SAMD12: variants seen among roughly 807,000 people sequenced by gnomAD.
SAMD12 encodes sterile alpha motif domain containing 12.
SAMD12 carries 9 observed loss-of-function variants against 15.0 expected under a neutral mutation model. That is an observed-to-expected ratio of 0.60 (90% CI 0.36 to 1.05). The LOEUF (loss-of-function observed/expected upper bound fraction) is 1.05, where lower values mean the gene tolerates loss of function less well. Among genes scored for constraint, SAMD12 ranks in the 50% least tolerant of loss-of-function variants. SAMD12 has a pLI of 0.01. For missense variants in SAMD12, 230 were observed against 234.2 expected (o/e 0.98, Z 0.12); for synonymous variants, 86 against 90.1 (o/e 0.96, Z 0.25).
At chr8:118,152,500 C>CTTCCTTCT in the SAMD12 span, among the ~76,000 whole-genome samples, 1 of 122,522 alleles carries the variant, frequency 8.2e-6, no homozygotes, top group African/African-American at 3.0e-5. Flanking sequence ...TCCTTCCTTC[C>CTTCCTTCT]TTCTTCCTTC....
intron 2 of SAMD12, among the ~76,000 whole-genome samples, chr8:118,486,899 C>G (rs1289608634): frequency 6.6e-6 from 1 of 152,132 alleles, no homozygotes; most frequent in Non-Finnish European, 1.5e-5. Context: ...TCCGACAGGA[C>G]CCATGGCCAC....
rs112157604 is a variant in SAMD12 at position 118,272,267 on chromosome 8, C to G, written c.434-74535G>C. On this transcript the variant is annotated intron_variant, in intron 4 of 4. Coordinates refer to the SAMD12 transcript ENST00000409003. ...GGCTTACACCCTCTTAAGCAAGAGC[C>G]TGAGCTGTACCTTGACCCCTTTTAG... Among the ~76,000 whole-genome samples the G allele has an allele frequency of 1.3e-3, 203 of 152,354 alleles. 1 individual carries two copies. The highest frequency in any genetic ancestry group is 3.9e-3 in the African/African-American group (161 of 41,590).
intron 2 of SAMD12, among the ~76,000 whole-genome samples, chr8:118,448,688 A>G (rs1367071617): frequency 6.6e-6 from 1 of 152,216 alleles, no homozygotes; most frequent in African/African-American, 2.4e-5. Flanking sequence ...TCTTAGCAAG[A>G]CAGCTCACAT....
chr8:118,621,757 G>A, intron 1 of SAMD12, 47 bp downstream of exon 1: 2 of 1,609,050 alleles, frequency 1.2e-6, no homozygotes, highest in Non-Finnish European at 1.7e-6. Flanking sequence ...GTGCCTTGGG[G>A]TGCGCGGGTT....
intron 4 of SAMD12, among the ~76,000 whole-genome samples, chr8:118,218,730 T>C (rs897613557): frequency 1.3e-5 from 2 of 152,194 alleles, no homozygotes; most frequent in Non-Finnish European, 2.9e-5. Context: ...TAGTATCCCA[T>C]TGTGTATATA....
intron 2 of SAMD12, among the ~76,000 whole-genome samples, chr8:118,531,553 A>T (rs6469753): frequency 0.5 from 76,447 of 151,950 alleles, 19,633 homozygotes; most frequent in African/African-American, 0.6. Context: ...ATTCTTCCTA[A>T]CCATGAGCAT....
At chr8:118,340,155 A>T (rs562586853) in intron 4 of SAMD12, among the ~76,000 whole-genome samples, 2 of 152,244 alleles carry the variant, frequency 1.3e-5, no homozygotes, top group Admixed American at 1.3e-4. Context: ...CTGTATTGCC[A>T]TGGAATAAAT....
chr8:118,174,464 CCATT>C, the SAMD12 span, among the ~76,000 whole-genome samples: 2 of 152,074 alleles, frequency 1.3e-5, no homozygotes, highest in Non-Finnish European at 2.9e-5. Context: ...TCTGCGTGGG[CCATT>C]CATTCATTCA....
At chr8:118,237,830 G>A (rs1411766495) in intron 4 of SAMD12, among the ~76,000 whole-genome samples, 1 of 152,114 alleles carries the variant, frequency 6.6e-6, no homozygotes, top group African/African-American at 2.4e-5. Context: ...GTTTTCTGCT[G>A]TTGCCTCTCT....
chr8:118,443,714 T>C (rs13256814), intron 2 of SAMD12, among the ~76,000 whole-genome samples: 36,809 of 152,032 alleles, frequency 0.24, 5,567 homozygotes, highest in Admixed American at 0.34. Context: ...CTGCTGCTTC[T>C]TTTGGGATTC....
chr8:118,379,283 G>C lies in SAMD12; in HGVS notation c.*134C>G. On this transcript the variant is annotated 3_prime_UTR_variant, in exon 4 of 4. Transcript: ENST00000314727. ...TGTGACTGGTATTCTCTGGGGTTGT[G>C]CAGTACACAATCCATACAACTGTAC... The C allele has an allele frequency of 6.9e-7, 1 of 1,449,552 alleles. No individual in the cohort carries two copies. The allele number at this position is 1,449,552 out of a possible 1,614,324, so 89.8% of individuals were successfully genotyped here.
chr8:118,424,748 C>T (rs1822166497), intron 3 of SAMD12, among the ~76,000 whole-genome samples: 1 of 152,032 alleles, frequency 6.6e-6, no homozygotes, highest in Admixed American at 6.6e-5. Flanking sequence ...CATGTGTGGA[C>T]TTCAGTTTCC....
downstream of SAMD12, among the ~76,000 whole-genome samples, chr8:118,375,213 T>A (rs16890914): frequency 0.012 from 1,860 of 152,276 alleles, 37 homozygotes; most frequent in African/African-American, 0.042. Context: ...ATGGAAATTA[T>A]TAGCCCATTT....
chr8:118,554,166 A>T (rs1826444030), intron 2 of SAMD12, among the ~76,000 whole-genome samples: 1 of 152,202 alleles, frequency 6.6e-6, no homozygotes, highest in African/African-American at 2.4e-5. Context: ...CATTTGACCC[A>T]GACATCCCAT....
intron 1 of SAMD12, among the ~76,000 whole-genome samples, chr8:118,615,898 T>A (rs1196689898): frequency 6.6e-6 from 1 of 152,110 alleles, no homozygotes; most frequent in African/African-American, 2.4e-5. Flanking sequence ...ACAAAAGAGA[T>A]GGGGGTGGCA....
At chr8:118,344,431 A>G (rs927172048) in intron 4 of SAMD12, among the ~76,000 whole-genome samples, 1 of 152,248 alleles carries the variant, frequency 6.6e-6, no homozygotes, top group Non-Finnish European at 1.5e-5. Flanking sequence ...TATCAAAGTC[A>G]GCCCTTGCAA....
chr8:118,498,658 A>G (rs1824695198), intron 2 of SAMD12, among the ~76,000 whole-genome samples: 1 of 152,278 alleles, frequency 6.6e-6, no homozygotes, highest in African/African-American at 2.4e-5. Context: ...CTTATGGTGT[A>G]TAGCACAGAA....
chr8:118,257,840 C>T (rs1034853214), intron 4 of SAMD12, among the ~76,000 whole-genome samples: 5 of 152,064 alleles, frequency 3.3e-5, no homozygotes, highest in African/African-American at 7.2e-5. Flanking sequence ...GTTCTTCTCC[C>T]GATGTTCAGT....
intron 4 of SAMD12, among the ~76,000 whole-genome samples, chr8:118,224,009 G>A (rs1191329212): frequency 6.6e-6 from 1 of 152,152 alleles, no homozygotes; most frequent in Non-Finnish European, 1.5e-5. Context: ...TCTCGATCTT[G>A]GGATAGATCC....
Sources: allele counts gnomAD v4.1 joint callset (sites outside exome capture counted in the v4.1 genomes callset), GRCh38; gene constraint gnomAD v4.1.1; transcripts MANE v1.5; gene names NCBI Gene and HGNC (gene_info 2026-07-23, HGNC 2026-07-21).